The following GULP1 variants were observed in gnomAD, a reference collection of about 807,000 sequenced individuals.
The protein encoded by GULP1 is GULP PTB domain containing engulfment adaptor 1.
In GULP1, 19 loss-of-function variants were observed where a neutral mutation model predicts 40.9. That is an observed-to-expected ratio of 0.46 (90% CI 0.32 to 0.68). The LOEUF (loss-of-function observed/expected upper bound fraction) is 0.68. Ranked by LOEUF, GULP1 falls within the 30% of genes least tolerant of loss-of-function variation. The probability of loss-of-function intolerance (pLI) is 0.03; values close to 1 mark genes in which losing one functional copy is unlikely to be tolerated. For synonymous variants in GULP1, 119 were observed against 117.6 expected, an observed-to-expected ratio of 1.01 and a Z score of -0.08; for missense variants, 312 against 362.2, an observed-to-expected ratio of 0.86 and a Z score of 1.12.
intron 2 of GULP1, among the ~76,000 whole-genome samples, chr2:188,396,830 G>A (rs1382829049): frequency 1.3e-5 from 2 of 152,202 alleles, no homozygotes; most frequent in Non-Finnish European, 2.9e-5. Context: ...TGTGAAGTAG[G>A]ATGAGGAATG....
At chr2:188,488,703 A>G (rs1354367185) in intron 4 of GULP1, among the ~76,000 whole-genome samples, 1 of 152,078 alleles carries the variant, frequency 6.6e-6, no homozygotes, top group Non-Finnish European at 1.5e-5. Context: ...CAGGAGACTC[A>G]ATACGGCCAC....
chr2:188,562,025 A>G (rs1696437011), intron 7 of GULP1, among the ~76,000 whole-genome samples: 1 of 152,100 alleles, frequency 6.6e-6, no homozygotes, highest in South Asian at 2.1e-4. Context: ...GCTTATTCCC[A>G]GGTCATGTCC....
intron 2 of GULP1, among the ~76,000 whole-genome samples, chr2:188,428,037 G>A (rs1397295685): frequency 1.3e-5 from 2 of 152,226 alleles, no homozygotes; most frequent in South Asian, 4.1e-4. Context: ...TGCCCTAGAT[G>A]TGAGATATTG....
At chr2:188,528,359 T>C (rs1201674794) in intron 5 of GULP1, among the ~76,000 whole-genome samples, 1 of 152,104 alleles carries the variant, frequency 6.6e-6, no homozygotes, top group Non-Finnish European at 1.5e-5. Flanking sequence ...AATTAAGCAA[T>C]GCTAGGAGAG....
At chr2:188,552,529 A>G (rs1693732093) in intron 7 of GULP1, among the ~76,000 whole-genome samples, 1 of 151,788 alleles carries the variant, frequency 6.6e-6, no homozygotes, top group Admixed American at 6.6e-5. Context: ...CTGTTTTTAT[A>G]CCAATACCAT....
At chr2:188,388,101 A>G (rs1186877541) in intron 2 of GULP1, among the ~76,000 whole-genome samples, 3 of 150,570 alleles carry the variant, frequency 2.0e-5, no homozygotes, top group African/African-American at 7.3e-5. Flanking sequence ...TCATTGTTCA[A>G]TTCCCATCTA....
In GULP1 at chr2:188,595,568, T is replaced by C. The variant is rs1704297739; in HGVS notation, c.*1557T>C. ...TTGTTTGTCAGATAGTATTTTGGAA[T>C]TTGTATAATAAGGATGTTTAGAAGC... On this transcript the variant is annotated 3_prime_UTR_variant, in exon 12 of 12. Coordinates refer to ENST00000409830, the MANE Select transcript of GULP1 (RefSeq NM_016315.4). 6.6e-6 allele frequency: 1 copy of C among 152,160 alleles called. No homozygotes were observed. Among genetic ancestry groups the C allele is most frequent in the African/African-American group, 2.4e-5 (1 of 41,428 alleles). 9.4% of individuals were successfully genotyped at this position (152,160 alleles called of 1,614,324 possible).
intron 4 of GULP1, among the ~76,000 whole-genome samples, chr2:188,504,504 A>C (rs1045120635): frequency 2.6e-5 from 4 of 151,962 alleles, no homozygotes; most frequent in Admixed American, 2.0e-4. Flanking sequence ...GTAGATCAGA[A>C]TATAAAGGCA....
intron 4 of GULP1, among the ~76,000 whole-genome samples, chr2:188,518,624 CCAGCAAAGCA>C (rs2065425456): frequency 6.6e-6 from 1 of 152,050 alleles, no homozygotes; most frequent in South Asian, 2.1e-4. Flanking sequence ...TGAGTCATTA[CCAGCAAAGCA>C]TGTGGAAACT....
At chr2:188,353,331 C>G (rs2044769330) in intron 1 of GULP1, among the ~76,000 whole-genome samples, 1 of 152,004 alleles carries the variant, frequency 6.6e-6, no homozygotes, top group African/African-American at 2.4e-5. Flanking sequence ...TTATGATGAT[C>G]TTATTTTAAC....
chr2:188,485,113 G>C (rs1026384974), intron 4 of GULP1, among the ~76,000 whole-genome samples: 2 of 152,060 alleles, frequency 1.3e-5, no homozygotes, highest in African/African-American at 4.8e-5. Context: ...ATCAATCATA[G>C]TGGAATTATA....
intron 1 of GULP1, among the ~76,000 whole-genome samples, chr2:188,376,600 T>C (rs1445809058): frequency 6.6e-6 from 1 of 152,014 alleles, no homozygotes; most frequent in Non-Finnish European, 1.5e-5. Context: ...AAAAGGAAAA[T>C]AAAAGTTATA....
chr2:188,412,450 G>A (rs1231273337), intron 2 of GULP1, among the ~76,000 whole-genome samples: 1 of 152,040 alleles, frequency 6.6e-6, no homozygotes, highest in East Asian at 1.9e-4. Context: ...GAGGTAGGAA[G>A]AGCCCAAAGT....
intron 7 of GULP1, among the ~76,000 whole-genome samples, chr2:188,556,659 G>A (rs1694837110): frequency 6.6e-6 from 1 of 151,982 alleles, no homozygotes; most frequent in Non-Finnish European, 1.5e-5. Context: ...GTTGATATCT[G>A]CACATTTGTA....
At chr2:188,362,860 G>A (rs759224049) in intron 1 of GULP1, among the ~76,000 whole-genome samples, 21 of 151,602 alleles carry the variant, frequency 1.4e-4, no homozygotes, top group Non-Finnish European at 2.7e-4. Flanking sequence ...CACCAAATGT[G>A]TAACAACCGA....
intron 9 of GULP1, among the ~76,000 whole-genome samples, chr2:188,581,801 T>C (rs561589346): frequency 6.6e-6 from 1 of 152,218 alleles, no homozygotes; most frequent in East Asian, 1.9e-4. Flanking sequence ...ACAAAGAATC[T>C]GTGGACCTTA....
intron 4 of GULP1, among the ~76,000 whole-genome samples, chr2:188,516,933 C>T (rs1032125884): frequency 3.9e-5 from 6 of 152,134 alleles, no homozygotes; most frequent in African/African-American, 1.4e-4. Flanking sequence ...GTGACATCTC[C>T]TCTGAACATC....
chr2:188,307,228 A>T (rs183782586), intron 1 of GULP1, among the ~76,000 whole-genome samples: 33 of 152,284 alleles, frequency 2.2e-4, no homozygotes, highest in Admixed American at 1.6e-3. Flanking sequence ...ATGATATTTT[A>T]TGAAAATAAA....
chr2:188,331,085 G>T (rs116189668), intron 1 of GULP1, among the ~76,000 whole-genome samples: 1 of 152,116 alleles, frequency 6.6e-6, no homozygotes, highest in African/African-American at 2.4e-5. Flanking sequence ...AACATATCCC[G>T]CTAATTTCAC....
Sources: gnomAD v4.1 joint callset for allele counts (sites outside exome capture counted in the v4.1 genomes callset) on GRCh38, gnomAD v4.1.1 for gene constraint, MANE v1.5 for transcripts, NCBI Gene and HGNC (gene_info 2026-07-23, HGNC 2026-07-21) for gene names.